Variants in PPP2R2D observed in about 807,000 individuals in gnomAD.
The protein encoded by PPP2R2D is protein phosphatase 2 regulatory subunit Bdelta, also known as serine/threonine-protein phosphatase 2A 55 kDa regulatory subunit B delta isoform.
PPP2R2D carries 9 observed loss-of-function variants against 31.1 expected under a neutral mutation model. The ratio of observed to expected loss-of-function variants is 0.29; its 90% CI spans 0.17 to 0.51. The LOEUF (loss-of-function observed/expected upper bound fraction) is 0.51. PPP2R2D is among the 20% of genes least tolerant of loss of function. The pLI is 0.98. For missense variants in PPP2R2D, 391 were observed against 465.6 expected, an observed-to-expected ratio of 0.84 and a Z score of 1.48; for synonymous variants, 179 against 172.6, an observed-to-expected ratio of 1.04 and a Z score of -0.29.
chr10:131,920,750 G>A (rs528676900), intron 2 of PPP2R2D, among the ~76,000 whole-genome samples: 4 of 152,226 alleles, frequency 2.6e-5, no homozygotes, highest in Non-Finnish European at 4.4e-5. Flanking sequence ...CCAACATGGT[G>A]AAACCCCGTT....
intron 2 of PPP2R2D, among the ~76,000 whole-genome samples, chr10:131,926,042 C>T (rs1461532001): frequency 6.6e-6 from 1 of 152,188 alleles, no homozygotes; most frequent in Admixed American, 6.5e-5. Flanking sequence ...GCGACTTCCC[C>T]CACCCCATGC....
rs1407294381 is a variant in PPP2R2D at position 131,947,202 on chromosome 10, A to C, written c.821-328A>C. Among the ~76,000 whole-genome samples the C allele has an allele frequency of 6.6e-6, 1 of 152,226 alleles. No homozygotes were observed. The highest frequency in any genetic ancestry group is 1.5e-5 in the Non-Finnish European group (1 of 68,036). On this transcript the variant is annotated intron_variant, in intron 7 of 8. Coordinates refer to ENST00000455566, the MANE Select transcript of PPP2R2D (RefSeq NM_018461.5). The surrounding 1 kb of genome is among the most constrained non-coding windows in gnomAD (Gnocchi z 4.3). Reference sequence around the variant, plus strand: ...GTGGTGCTGAACCTGGGCACACATCAGGATGCCCCGAGGAGCTCCCACAGA... The same window carrying C: ...GTGGTGCTGAACCTGGGCACACATCCGGATGCCCCGAGGAGCTCCCACAGA...
At chr10:131,904,410 T>C (rs1445873201) in intron 2 of PPP2R2D, among the ~76,000 whole-genome samples, 32 of 151,012 alleles carry the variant, frequency 2.1e-4, no homozygotes, top group Non-Finnish European at 1.0e-4. Context: ...CTTGGGAGGC[T>C]GAGGCAGGAG....
At chr10:131,923,211 G>C (rs141667196) in intron 2 of PPP2R2D, among the ~76,000 whole-genome samples, 1 of 152,136 alleles carries the variant, frequency 6.6e-6, no homozygotes, top group Non-Finnish European at 1.5e-5. Context: ...GCCTGTTCAC[G>C]TGTCATGTAA....
chr10:131,947,432 A>C lies in PPP2R2D; in HGVS notation c.821-98A>C. The C allele has an allele frequency of 7.6e-7, 1 of 1,309,452 alleles. No homozygotes were observed. Among genetic ancestry groups the C allele is most frequent in the Admixed American group, 2.3e-5 (1 of 44,426 alleles). The allele number at this position is 1,309,452 out of a possible 1,614,324, so 81.1% of individuals were successfully genotyped here. On this transcript the variant is annotated intron_variant, in intron 7 of 8. Transcript: ENST00000455566. This position sits in a 1 kb window ranked among gnomAD's most constrained non-coding sequence, Gnocchi z 4.3. ...CCTAGTGTTGAGGCCAAGCCCTTCC[A>C]GAGTCTCTCTGAAGGGGCCACTTCC...
chr10:131,963,734 A>G (rs1488299988), downstream of PPP2R2D, among the ~76,000 whole-genome samples: 1 of 152,154 alleles, frequency 6.6e-6, no homozygotes, highest in Non-Finnish European at 1.5e-5. Flanking sequence ...CTTTTTTAGT[A>G]AAAAGGTATC....
In PPP2R2D at chr10:131,958,117, T is replaced by G. The variant is rs1431964264; in HGVS notation, c.*2154T>G. The G allele has an allele frequency of 6.8e-6, 1 of 146,278 alleles. No individual in the cohort carries two copies. The highest frequency in any genetic ancestry group is 3.1e-5 in the African/African-American group (1 of 32,764). 9.1% of individuals were successfully genotyped at this position (146,278 alleles called of 1,614,324 possible). A position where few individuals can be genotyped will look rare whatever the true frequency, so the allele number is the denominator to read the frequency against. On this transcript the variant is annotated 3_prime_UTR_variant, in exon 9 of 9. Coordinates refer to ENST00000455566, the MANE Select transcript of PPP2R2D (RefSeq NM_018461.5). Reference sequence around the variant, plus strand: ...CCGTCCCCCTGTGGAGATGAAGGTGTGTGCTGATCCCCGTCCCCCTGTGGA... The same window carrying G: ...CCGTCCCCCTGTGGAGATGAAGGTGGGTGCTGATCCCCGTCCCCCTGTGGA...
At chr10:131,921,332 A>G (rs1322221766) in intron 2 of PPP2R2D, among the ~76,000 whole-genome samples, 10 of 152,222 alleles carry the variant, frequency 6.6e-5, no homozygotes, top group Admixed American at 4.6e-4. Context: ...AGAAGGCACC[A>G]TGAGTAAAGG....
At chr10:131,949,670 A>G (rs534850142) in intron 8 of PPP2R2D, among the ~76,000 whole-genome samples, 2 of 152,378 alleles carry the variant, frequency 1.3e-5, no homozygotes, top group South Asian at 2.1e-4. Context: ...CAGGAGCCAC[A>G]TGACCGCTAA....
intron 5 of PPP2R2D, among the ~76,000 whole-genome samples, chr10:131,942,831 G>T (rs1242294595): frequency 6.6e-6 from 1 of 152,220 alleles, no homozygotes; most frequent in Non-Finnish European, 1.5e-5. Flanking sequence ...GGGTAGGTGT[G>T]TGTTTTTAAG....
chr10:131,960,733 C>G (rs1554901315), downstream of PPP2R2D, among the ~76,000 whole-genome samples: 1 of 152,216 alleles, frequency 6.6e-6, no homozygotes, highest in African/African-American at 2.4e-5. Context: ...CGGAGGCTCT[C>G]CGGGTGGCCT....
In PPP2R2D at chr10:131,956,792, A is replaced by C. The variant is rs2036807719; in HGVS notation, c.*829A>C. 1 of 162,174 alleles carries C rather than the reference A, an allele frequency of 6.2e-6. No individual in the cohort carries two copies. The highest frequency in any genetic ancestry group is 2.0e-4 in the South Asian group (1 of 5,002). 10.0% of individuals were successfully genotyped at this position (162,174 alleles called of 1,614,324 possible). ...ACCTCTGAGAAAGAAAATTGCAAGG[A>C]AGAACCAAAATTGCTGCCATCCAGT... On this transcript the variant is annotated 3_prime_UTR_variant, in exon 9 of 9. Coordinates refer to ENST00000455566, the MANE Select transcript of PPP2R2D (RefSeq NM_018461.5).
chr10:131,954,285 T>C (rs1192214736), intron 8 of PPP2R2D, among the ~76,000 whole-genome samples: 10 of 152,278 alleles, frequency 6.6e-5, no homozygotes, highest in African/African-American at 2.4e-4. Flanking sequence ...TTCCAGTCAG[T>C]GTCGGCCATA....
intron 2 of PPP2R2D, among the ~76,000 whole-genome samples, chr10:131,911,180 G>A (rs1459682807): frequency 6.6e-6 from 1 of 152,180 alleles, no homozygotes; most frequent in African/African-American, 2.4e-5. Context: ...GTGGGACAGA[G>A]CACTCAACCT....
At chr10:131,965,665 C>T in the PPP2R2D span, among the ~76,000 whole-genome samples, 4 of 152,140 alleles carry the variant, frequency 2.6e-5, no homozygotes, top group Admixed American at 6.5e-5. Flanking sequence ...AGGCTGATCG[C>T]GAACTCCTGA....
At chr10:131,970,729 C>T in the PPP2R2D span, 15 of 1,614,078 alleles carry the variant, frequency 9.3e-6, no homozygotes, top group East Asian at 2.9e-4. This position sits in a 1 kb window ranked among gnomAD's most constrained non-coding sequence, Gnocchi z 4.1. Flanking sequence ...TTCTTCATGA[C>T]GCTCGTGTTC....
downstream of PPP2R2D, among the ~76,000 whole-genome samples, chr10:131,962,818 G>GC (rs2120121746): frequency 1.3e-5 from 2 of 152,310 alleles, no homozygotes; most frequent in African/African-American, 4.8e-5. Flanking sequence ...CTGCACTTCC[G>GC]CCGATCAGAG....
At chr10:131,907,758 AAG>A (rs2035620551) in intron 2 of PPP2R2D, among the ~76,000 whole-genome samples, 1 of 152,018 alleles carries the variant, frequency 6.6e-6, no homozygotes, top group Non-Finnish European at 1.5e-5. Context: ...AAAAAAAAAA[AAG>A]ATTCACAGAC....
chr10:131,940,437 T>G (rs972800312), intron 4 of PPP2R2D, 145 bp from the exon 5 acceptor site: 1 of 603,744 alleles, frequency 1.7e-6, no homozygotes, highest in Non-Finnish European at 2.9e-6. Flanking sequence ...ACAAAACACC[T>G]CCAATTGGAA....
Sources: gnomAD v4.1 joint callset for allele counts (sites outside exome capture counted in the v4.1 genomes callset) on GRCh38, gnomAD v4.1.1 for gene constraint, Gnocchi (gnomAD v3.1) non-coding constraint, MANE v1.5 for transcripts, NCBI Gene and HGNC (gene_info 2026-07-23, HGNC 2026-07-21) for gene names.